CSGALNACT1: variants seen among roughly 807,000 people sequenced by gnomAD.
CSGALNACT1 encodes the protein chondroitin sulfate N-acetylgalactosaminyltransferase 1.
In CSGALNACT1, 52 loss-of-function variants were observed where a neutral mutation model predicts 51.0. That is an observed-to-expected ratio of 1.02 (90% CI 0.82 to 1.29). The LOEUF (loss-of-function observed/expected upper bound fraction) is 1.29. CSGALNACT1 is among the 50% of genes most tolerant of loss of function. The pLI is 0.00. For synonymous variants in CSGALNACT1, 341 were observed against 254.4 expected (o/e 1.34, Z -3.24); for missense variants, 935 against 679.2 (o/e 1.38, Z -4.19).
chr8:19,634,441 C>T (rs1387990697), intron 1 of CSGALNACT1, among the ~76,000 whole-genome samples: 1 of 151,746 alleles, frequency 6.6e-6, no homozygotes, highest in African/African-American at 2.4e-5. Flanking sequence ...GCAAGAGGAT[C>T]ATTTGAGCCA....
intron 1 of CSGALNACT1, among the ~76,000 whole-genome samples, chr8:19,745,409 T>G (rs1380499306): frequency 6.6e-6 from 1 of 152,184 alleles, no homozygotes; most frequent in Non-Finnish European, 1.5e-5. Flanking sequence ...ATGCTCACAA[T>G]GTGTAAATTA....
At chr8:19,689,793 A>C (rs1564430965) in intron 1 of CSGALNACT1, among the ~76,000 whole-genome samples, 2 of 152,198 alleles carry the variant, frequency 1.3e-5, no homozygotes, top group African/African-American at 2.4e-5. Flanking sequence ...TTAAATCCCC[A>C]AACAGCAAGT....
At chr8:19,613,820 C>T (rs181683047) in intron 1 of CSGALNACT1, among the ~76,000 whole-genome samples, 52 of 152,286 alleles carry the variant, frequency 3.4e-4, no homozygotes, top group Non-Finnish European at 6.6e-4. Flanking sequence ...TATTCTCTTT[C>T]GCACTGAGAT....
At chr8:19,470,722 A>C (rs2067941797) in intron 4 of CSGALNACT1, among the ~76,000 whole-genome samples, 1 of 152,062 alleles carries the variant, frequency 6.6e-6, no homozygotes, top group Non-Finnish European at 1.5e-5. Flanking sequence ...CCACTTCCTG[A>C]TGATCCACAC....
rs112319572 is a variant in CSGALNACT1 at position 19,473,691 on chromosome 8, G to A, written c.635-15049C>T. Among the ~76,000 whole-genome samples, 1,413 of 152,286 alleles carry A rather than the reference G, an allele frequency of 9.3e-3. 17 individuals carry two copies. The highest frequency in any genetic ancestry group is 0.031 in the African/African-American group (1,282 of 41,536). On this transcript the variant is annotated intron_variant, in intron 4 of 9. Coordinates refer to ENST00000454498, the Ensembl canonical transcript of CSGALNACT1. ...GAAAAGTCAAAAGTAGTGTCTCTTA[G>A]AAGCATTGGTTTTGTTGGAATGACT...
intron 3 of CSGALNACT1, among the ~76,000 whole-genome samples, chr8:19,546,383 T>C (rs1025261981): frequency 2.6e-5 from 4 of 152,192 alleles, no homozygotes; most frequent in Admixed American, 1.3e-4. Context: ...ATTCCTACTA[T>C]AATCATCAAG....
At chr8:19,455,636 C>G (rs959846992) in intron 5 of CSGALNACT1, among the ~76,000 whole-genome samples, 7 of 152,088 alleles carry the variant, frequency 4.6e-5, no homozygotes, top group Admixed American at 1.3e-4. Flanking sequence ...GCATTAAATA[C>G]CCACAGGTAT....
At chr8:19,567,807 G>A (rs979350545) in intron 3 of CSGALNACT1, among the ~76,000 whole-genome samples, 1 of 152,094 alleles carries the variant, frequency 6.6e-6, no homozygotes, top group Non-Finnish European at 1.5e-5. Context: ...GTTGTTAGAT[G>A]TAAAACACAA....
intron 3 of CSGALNACT1, among the ~76,000 whole-genome samples, chr8:19,506,528 G>C (rs1291380422): frequency 6.6e-6 from 1 of 152,182 alleles, no homozygotes; most frequent in African/African-American, 2.4e-5. Context: ...CTTGGCCGGA[G>C]ACTGTGCTGT....
rs2054115115 is a variant in CSGALNACT1 at position 19,623,763 on chromosome 8, T to A, written c.-543-21898A>T. Among the ~76,000 whole-genome samples, 3 of 152,352 alleles carry A rather than the reference T, an allele frequency of 2.0e-5. No individual in the cohort carries two copies. The South Asian group carries it at 6.2e-4, about 32-fold the overall frequency. The stretch of plus-strand genomic sequence containing the variant: ...TGAATCAGAAACTACTTAGGACCTA[T>A]TGATAATAAATCCTTTCGGAGGGGA... On this transcript the variant is annotated intron_variant, in intron 1 of 9. Coordinates refer to the CSGALNACT1 transcript ENST00000332246.
In CSGALNACT1 at chr8:19,596,370, T is replaced by C. The variant is rs1209857050; in HGVS notation, c.-415-5092A>G. ...GGGAAAATGAAAAAGCCTAAAGCAG[T>C]TGGCTTCTTATGAACAATCAAATCA... On this transcript the variant is annotated intron_variant, in intron 2 of 9. Coordinates refer to ENST00000454498, the Ensembl canonical transcript of CSGALNACT1. 5.9e-5 allele frequency among the ~76,000 whole-genome samples: 9 copies of C among 152,266 alleles called. No homozygotes were observed. The East Asian group carries it at 1.7e-3, about 29-fold the overall frequency.
intron 1 of CSGALNACT1, among the ~76,000 whole-genome samples, chr8:19,639,590 G>A (rs559336284): frequency 3.9e-4 from 59 of 152,100 alleles, no homozygotes; most frequent in Non-Finnish European, 7.1e-4. Flanking sequence ...CTCAAAATGG[G>A]TAATGAATAT....
chr8:19,520,512 G>T (rs2080443869), intron 3 of CSGALNACT1, among the ~76,000 whole-genome samples: 1 of 152,214 alleles, frequency 6.6e-6, no homozygotes. Context: ...CTCTACTAGG[G>T]AGTTAACTGA....
intron 1 of CSGALNACT1, among the ~76,000 whole-genome samples, chr8:19,635,088 C>A (rs1216344527): frequency 6.6e-6 from 1 of 152,126 alleles, no homozygotes; most frequent in Non-Finnish European, 1.5e-5. Context: ...TGGTTATGGT[C>A]CTTTGCTTTC....
At chr8:19,681,085 C>T (rs2060583780) in intron 1 of CSGALNACT1, among the ~76,000 whole-genome samples, 1 of 152,110 alleles carries the variant, frequency 6.6e-6, no homozygotes, top group African/African-American at 2.4e-5. Context: ...ATCCCCAAAA[C>T]TCCTGGAACC....
chr8:19,433,686 G>C (rs1362181074), intron 6 of CSGALNACT1, among the ~76,000 whole-genome samples: 1 of 152,200 alleles, frequency 6.6e-6, no homozygotes, highest in African/African-American at 2.4e-5. Flanking sequence ...CTCTCTGGTT[G>C]TGATGTTTTA....
intron 6 of CSGALNACT1, among the ~76,000 whole-genome samples, chr8:19,431,958 AT>A (rs1239299571): frequency 6.6e-6 from 1 of 151,820 alleles, no homozygotes; most frequent in African/African-American, 2.4e-5. Context: ...CAGATTTATA[AT>A]TTTTTTCTAT....
At chr8:19,675,296 G>C (rs2060095475) in intron 1 of CSGALNACT1, among the ~76,000 whole-genome samples, 1 of 152,156 alleles carries the variant, frequency 6.6e-6, no homozygotes, top group African/African-American at 2.4e-5. Context: ...CTAAGATAGG[G>C]TTAATTTCCT....
chr8:19,703,205 C>G (rs1430063582), intron 1 of CSGALNACT1, among the ~76,000 whole-genome samples: 1 of 152,104 alleles, frequency 6.6e-6, no homozygotes, highest in Non-Finnish European at 1.5e-5. Context: ...CATGGCAGCT[C>G]AGCCCTTGTT....
Sources: allele counts gnomAD v4.1 joint callset (sites outside exome capture counted in the v4.1 genomes callset), GRCh38; gene constraint gnomAD v4.1.1; transcripts MANE v1.5; gene names NCBI Gene and HGNC (gene_info 2026-07-23, HGNC 2026-07-21).